COL6A5: variants seen among roughly 807,000 people sequenced by gnomAD.
COL6A5 encodes collagen alpha-5(VI) chain.
In COL6A5, 48 loss-of-function variants were observed where a neutral mutation model predicts 65.6. The ratio of observed to expected loss-of-function variants is 0.73; its 90% CI spans 0.58 to 0.93. The LOEUF (loss-of-function observed/expected upper bound fraction) is 0.93. Ranked by LOEUF, COL6A5 falls within the 40% of genes least tolerant of loss-of-function variation. COL6A5 has a pLI of 0.00. For synonymous variants in COL6A5, 291 were observed against 322.8 expected, an observed-to-expected ratio of 0.90 and a Z score of 1.05; for missense variants, 914 against 928.3, an observed-to-expected ratio of 0.98 and a Z score of 0.20.
chr3:130,412,992 A>C (rs764054236), intron 20 of COL6A5, among the ~76,000 whole-genome samples: 6 of 152,168 alleles, frequency 3.9e-5, no homozygotes, highest in Non-Finnish European at 8.8e-5. Context: ...GAGATGTTCC[A>C]CAGCTCTCTC....
At chr3:130,431,209 C>G, upstream of COL6A5, 4 of 681,648 alleles carry the variant, frequency 5.9e-6, no homozygotes, top group South Asian at 1.5e-5. Context: ...TCATTTTACA[C>G]AGCTGACTGA....
chr3:130,376,150 C>G, intron 2 of COL6A5, 87 bp from the exon 3 acceptor site: 1 of 1,334,798 alleles, frequency 7.5e-7, no homozygotes, highest in East Asian at 2.4e-5. Context: ...CACTTAACAC[C>G]AGCACATAGT....
At chr3:130,449,063 A>G (rs936928472) in intron 4 of COL6A5, among the ~76,000 whole-genome samples, 15 of 152,286 alleles carry the variant, frequency 9.8e-5, no homozygotes, top group African/African-American at 2.9e-4. Flanking sequence ...TCCAAGAGAA[A>G]AGAGAAGATT....
chr3:130,423,121 G>A (rs1047274523), intron 28 of COL6A5, among the ~76,000 whole-genome samples: 1 of 152,016 alleles, frequency 6.6e-6, no homozygotes, highest in Non-Finnish European at 1.5e-5. Flanking sequence ...TTAACCCTGT[G>A]AGTGGAAATG....
Position 130,421,220 on chromosome 3 carries a change from ATTAT to A in COL6A5, c.5001+20_5001+23del. On this transcript the variant is annotated intron_variant and NMD_transcript_variant, in intron 26 of 41. Transcript: ENST00000312481. ...GGAGTAAAGGTAAATATGGAAATCAATTATTTTTATTCATTGATGAATCAAACTA... is the reference window on the plus strand; with the variant it reads ...GGAGTAAAGGTAAATATGGAAATCAATTTTATTCATTGATGAATCAAACTA... 6.5e-7 allele frequency: 1 copy of A among 1,550,052 alleles called. No homozygotes were observed. Among genetic ancestry groups the A allele is most frequent in the Non-Finnish European group, 8.7e-7 (1 of 1,145,664 alleles).
chr3:130,412,290 G>GA (rs1937199397), intron 20 of COL6A5, among the ~76,000 whole-genome samples: 1 of 152,058 alleles, frequency 6.6e-6, no homozygotes, highest in Non-Finnish European at 1.5e-5. Flanking sequence ...TTTCCAGATG[G>GA]AAAAAATCAA....
rs1378073311 is a variant in COL6A5 at position 130,398,122 on chromosome 3, G to GTTTTTTT, written c.3991+13_3991+14insTTTTTTT. On this transcript the variant is annotated intron_variant and NMD_transcript_variant, in intron 10 of 41. Coordinates refer to the COL6A5 transcript ENST00000312481. ...GGCTCAGAGAAGCAGGTATTGAGTT[G>GTTTTTTT]TTGTTGTTTTTTTTTTTTTTTTTTT... The GTTTTTTT allele has an allele frequency of 1.7e-6, 2 of 1,160,936 alleles. No individual in the cohort carries two copies. Among genetic ancestry groups the GTTTTTTT allele is most frequent in the East Asian group, 2.8e-5 (1 of 35,598 alleles). 71.9% of individuals were successfully genotyped at this position (1,160,936 alleles called of 1,614,324 possible). A position where few individuals can be genotyped will look rare whatever the true frequency, so the allele number is the denominator to read the frequency against.
chr3:130,421,211 T>C lies in COL6A5; in HGVS notation c.5001+8T>C. ...GGACGAAAAGGAGTAAAGGTAAATA[T>C]GGAAATCAATTATTTTTATTCATTG... On this transcript the variant is annotated splice_region_variant and intron_variant and NMD_transcript_variant, in intron 26 of 41. Coordinates refer to the COL6A5 transcript ENST00000312481. The C allele has an allele frequency of 9.7e-6, 15 of 1,550,418 alleles. No individual in the cohort carries two copies. The highest frequency in any genetic ancestry group is 1.4e-5 in the African/African-American group (1 of 73,084).
At chr3:130,373,199 A>C (rs1034308232) in intron 1 of COL6A5, among the ~76,000 whole-genome samples, 1 of 152,176 alleles carries the variant, frequency 6.6e-6, no homozygotes, top group Non-Finnish European at 1.5e-5. Context: ...GAGGACAGTA[A>C]TTTTGTATAA....
exon 1 of COL6A5, chr3:130,345,871 G>A: frequency 2.5e-6 from 1 of 398,542 alleles, no homozygotes; most frequent in Non-Finnish European, 4.4e-6. Context: ...CTGCGCCGCG[G>A]GCGCCCGAGA....
At chr3:130,436,236 A>G (rs1709031870) in intron 1 of COL6A5, among the ~76,000 whole-genome samples, 2 of 150,956 alleles carry the variant, frequency 1.3e-5, no homozygotes, top group African/African-American at 4.8e-5. Context: ...TACTTTTAAT[A>G]GTTTAATATA....
At chr3:130,476,884 T>C (rs1003787527) in intron 7 of COL6A5, 2 of 691,066 alleles carry the variant, frequency 2.9e-6, no homozygotes, top group Admixed American at 4.0e-5. Context: ...TTCTCACAGA[T>C]CTCTAGCCAG....
intron 5 of COL6A5, among the ~76,000 whole-genome samples, chr3:130,463,758 T>C (rs1196858649): frequency 6.6e-6 from 1 of 152,118 alleles, no homozygotes; most frequent in East Asian, 1.9e-4. Context: ...TCTGCCAGAT[T>C]ATCTTGAAAG....
At chr3:130,387,288 G>T (rs1303027223) in intron 5 of COL6A5, among the ~76,000 whole-genome samples, 1 of 152,052 alleles carries the variant, frequency 6.6e-6, no homozygotes, top group Non-Finnish European at 1.5e-5. Flanking sequence ...ATCTTTAGAT[G>T]GGCAATCATC....
upstream of COL6A5, among the ~76,000 whole-genome samples, chr3:130,427,227 A>G (rs1260874453): frequency 6.6e-6 from 1 of 152,208 alleles, no homozygotes; most frequent in Non-Finnish European, 1.5e-5. Context: ...AACAAGTACT[A>G]GAAGCAAAAG....
At chr3:130,459,643 G>A (rs1709659709) in intron 5 of COL6A5, among the ~76,000 whole-genome samples, 1 of 151,968 alleles carries the variant, frequency 6.6e-6, no homozygotes, top group Non-Finnish European at 1.5e-5. Context: ...CAAGTTTATG[G>A]AACTGGCAGA....
At chr3:130,476,766 C>A (rs944628019) in intron 7 of COL6A5, 1 of 526,742 alleles carries the variant, frequency 1.9e-6, no homozygotes, top group Non-Finnish European at 3.6e-6. Flanking sequence ...AAGTGTGCGT[C>A]TTTGTTGTTT....
chr3:130,384,550 C>A (rs1025056949), intron 4 of COL6A5, among the ~76,000 whole-genome samples: 1 of 151,908 alleles, frequency 6.6e-6, no homozygotes, highest in African/African-American at 2.4e-5. Context: ...GGAATTTGGT[C>A]TTTACTCTTT....
intron 5 of COL6A5, 132 bp from the exon 38 acceptor site, chr3:130,468,663 A>T: frequency 1.5e-6 from 1 of 650,884 alleles, no homozygotes. Context: ...AAGCAATGTG[A>T]TTATTGATGT....
Sources: gnomAD v4.1 joint callset for allele counts (sites outside exome capture counted in the v4.1 genomes callset) on GRCh38, gnomAD v4.1.1 for gene constraint, MANE v1.5 for transcripts, NCBI Gene and HGNC (gene_info 2026-07-23, HGNC 2026-07-21) for gene names.